The following TMEM132C variants were observed in gnomAD, a reference collection of about 807,000 sequenced individuals.
TMEM132C encodes the protein transmembrane protein 132C.
Under a neutral mutation model 61.4 loss-of-function variants are expected in TMEM132C, and 29 were observed. The ratio of observed to expected loss-of-function variants is 0.47; its 90% CI spans 0.35 to 0.64. The LOEUF is 0.64. Ranked by LOEUF, TMEM132C falls within the 30% of genes least tolerant of loss-of-function variation. TMEM132C has a pLI of 0.00. For synonymous variants in TMEM132C, 656 were observed against 633.1 expected (o/e 1.04, Z -0.54); for missense variants, 1,408 against 1,476.9 (o/e 0.95, Z 0.76).
At chr12:128,476,246 AGATAGGGAT>A (rs1482740372) in intron 2 of TMEM132C, among the ~76,000 whole-genome samples, 2 of 143,462 alleles carry the variant, frequency 1.4e-5, no homozygotes, top group Non-Finnish European at 3.0e-5. Context: ...TGTGTCCACA[AGATAGGGAT>A]GCAGCAAGCT....
intron 1 of TMEM132C, among the ~76,000 whole-genome samples, chr12:128,387,611 AC>A (rs1158355750): frequency 6.6e-6 from 1 of 152,126 alleles, no homozygotes; most frequent in African/African-American, 2.4e-5. Context: ...GGAGTTCAAG[AC>A]CAGCCTGGCT....
At chr12:128,306,592 T>C (rs1871792860) in intron 1 of TMEM132C, among the ~76,000 whole-genome samples, 1 of 152,176 alleles carries the variant, frequency 6.6e-6, no homozygotes, top group East Asian at 1.9e-4. Flanking sequence ...TAATGAATGA[T>C]TGAGGTGTAA....
At chr12:128,438,160 C>T (rs1185597540) in intron 2 of TMEM132C, 1 of 152,092 alleles carries the variant, frequency 6.6e-6, no homozygotes, top group Non-Finnish European at 1.5e-5. Flanking sequence ...TCTTAAAACC[C>T]CTACTATGGT....
At chr12:128,484,577 C>T (rs1182240412) in intron 2 of TMEM132C, among the ~76,000 whole-genome samples, 7 of 151,810 alleles carry the variant, frequency 4.6e-5, no homozygotes, top group Non-Finnish European at 7.4e-5. Flanking sequence ...ATAGAATGGC[C>T]GTCCTCATAT....
intron 3 of TMEM132C, among the ~76,000 whole-genome samples, chr12:128,558,288 T>C (rs1874396604): frequency 6.6e-6 from 1 of 152,204 alleles, no homozygotes; most frequent in East Asian, 1.9e-4. Flanking sequence ...AATCTCACCT[T>C]GAATTGTAGC....
intron 1 of TMEM132C, among the ~76,000 whole-genome samples, chr12:128,396,005 G>A (rs138223114): frequency 9.4e-4 from 143 of 152,316 alleles, no homozygotes; most frequent in Middle Eastern, 3.4e-3. Context: ...CAGCTTTGTC[G>A]TGGTCATAGG....
intron 1 of TMEM132C, among the ~76,000 whole-genome samples, chr12:128,316,688 C>T (rs1376043840): frequency 6.6e-6 from 1 of 152,132 alleles, no homozygotes; most frequent in Non-Finnish European, 1.5e-5. Flanking sequence ...GTCTCTGTCC[C>T]ATTATTTTTA....
intron 3 of TMEM132C, among the ~76,000 whole-genome samples, chr12:128,614,020 G>A (rs866229844): frequency 6.6e-5 from 10 of 151,556 alleles, no homozygotes; most frequent in Middle Eastern, 3.2e-3. Flanking sequence ...ACCACTTAGC[G>A]CCATCCTTAG....
In TMEM132C at chr12:128,594,399, G is replaced by A. The variant is rs188536358; in HGVS notation, c.1122-21753G>A. ...ACACACACTGGAATGAAAGCTCCAC[G>A]GGACATGGGGTCTTTGTTTTGTGGC... On this transcript the variant is annotated intron_variant, in intron 3 of 8. Coordinates refer to ENST00000435159, the MANE Select transcript of TMEM132C (RefSeq NM_001136103.3). Among the ~76,000 whole-genome samples the A allele has an allele frequency of 5.9e-3, 774 of 130,392 alleles. 10 individuals carry two copies. Among genetic ancestry groups the A allele is most frequent in the African/African-American group, 0.02 (715 of 35,070 alleles). The allele number at this position is 130,392 out of a possible 152,430, so 85.5% of individuals were successfully genotyped here. A position where few individuals can be genotyped will look rare whatever the true frequency, so the allele number is the denominator to read the frequency against.
chr12:128,697,795 A>G (rs1377395837), intron 8 of TMEM132C, among the ~76,000 whole-genome samples: 1 of 152,194 alleles, frequency 6.6e-6, no homozygotes, highest in Non-Finnish European at 1.5e-5. Context: ...CACACAACAT[A>G]GCCCCTGGCT....
At chr12:128,437,484 C>A (rs1299152231) in intron 2 of TMEM132C, among the ~76,000 whole-genome samples, 1 of 152,128 alleles carries the variant, frequency 6.6e-6, no homozygotes, top group East Asian at 1.9e-4. Context: ...CCACTACCAC[C>A]ACCAAGATAA....
chr12:128,551,435 G>A lies in TMEM132C; in HGVS notation c.1121+7332G>A, dbSNP rs558516240. Among the ~76,000 whole-genome samples the A allele has an allele frequency of 9.9e-5, 15 of 152,266 alleles. No individual in the cohort carries two copies. The East Asian group carries it at 1.9e-3, about 20-fold the overall frequency. The stretch of plus-strand genomic sequence containing the variant: ...CTGCTCCATACACACACCAGACCGC[G>A]TGGCATTTGGTTTCCAGGCTCCCCA... On this transcript the variant is annotated intron_variant, in intron 3 of 8. Transcript: ENST00000435159.
intron 2 of TMEM132C, among the ~76,000 whole-genome samples, chr12:128,480,182 G>A (rs986566964): frequency 1.3e-5 from 2 of 152,100 alleles, no homozygotes; most frequent in East Asian, 1.9e-4. Flanking sequence ...ATTGTTTGAG[G>A]CCAGGAGTTC....
intron 3 of TMEM132C, among the ~76,000 whole-genome samples, chr12:128,555,582 C>G (rs528447822): frequency 1.3e-5 from 2 of 152,330 alleles, no homozygotes; most frequent in Non-Finnish European, 2.9e-5. Context: ...TTGTGTGGGT[C>G]TCCATAAAAT....
At chr12:128,500,934 C>T (rs920430267) in intron 2 of TMEM132C, among the ~76,000 whole-genome samples, 26 of 151,908 alleles carry the variant, frequency 1.7e-4, no homozygotes, top group African/African-American at 6.3e-4. Flanking sequence ...GGAAACAACC[C>T]AAATGTCTAT....
intron 3 of TMEM132C, among the ~76,000 whole-genome samples, chr12:128,585,794 G>A (rs913291938): frequency 6.6e-6 from 1 of 152,232 alleles, no homozygotes; most frequent in Non-Finnish European, 1.5e-5. Context: ...CGTCGCTGAA[G>A]GATGAATACT....
At chr12:128,554,465 A>G (rs886589663) in intron 3 of TMEM132C, among the ~76,000 whole-genome samples, 9 of 152,190 alleles carry the variant, frequency 5.9e-5, no homozygotes, top group African/African-American at 2.2e-4. Flanking sequence ...ATTTTTTAAC[A>G]TTTGCTTGGA....
intron 1 of TMEM132C, among the ~76,000 whole-genome samples, chr12:128,406,667 A>C (rs544914450): frequency 6.6e-4 from 101 of 152,296 alleles, no homozygotes; most frequent in South Asian, 1.7e-3. Context: ...AAACTTCGAT[A>C]ATAAATTTAA....
At chr12:128,487,533 C>T (rs952297131) in intron 2 of TMEM132C, among the ~76,000 whole-genome samples, 3 of 150,882 alleles carry the variant, frequency 2.0e-5, no homozygotes, top group Non-Finnish European at 2.9e-5. Context: ...CAAGCACACA[C>T]GTGAAAGGCG....
Sources: allele counts gnomAD v4.1 joint callset (sites outside exome capture counted in the v4.1 genomes callset), GRCh38; gene constraint gnomAD v4.1.1; transcripts MANE v1.5; gene names NCBI Gene and HGNC (gene_info 2026-07-23, HGNC 2026-07-21).